CYP39A1: variants seen among roughly 807,000 people sequenced by gnomAD.
CYP39A1 encodes the protein cytochrome P450 family 39 subfamily A member 1.
A neutral mutation model predicts 58.1 loss-of-function variants in CYP39A1; 49 were observed. The observed-to-expected ratio is 0.84, with a 90% confidence interval of 0.67 to 1.07. The LOEUF (loss-of-function observed/expected upper bound fraction) is 1.07. Ranked by LOEUF, CYP39A1 falls within the 50% of genes least tolerant of loss-of-function variation. The pLI is 0.00. For synonymous variants in CYP39A1, 209 were observed against 187.6 expected (o/e 1.11, Z -0.93); for missense variants, 531 against 539.4 (o/e 0.98, Z 0.16).
chr6:46,594,626 G>A (rs1025661034), intron 8 of CYP39A1, among the ~76,000 whole-genome samples: 1 of 151,972 alleles, frequency 6.6e-6, no homozygotes, highest in African/African-American at 2.4e-5. Flanking sequence ...AATGAAATTA[G>A]ACCTGTATTT....
At chr6:46,572,779 G>A (rs1450264597) in intron 10 of CYP39A1, among the ~76,000 whole-genome samples, 1 of 152,006 alleles carries the variant, frequency 6.6e-6, no homozygotes, top group Non-Finnish European at 1.5e-5. Flanking sequence ...TCCTCCTTCT[G>A]AGACTTTTAT....
chr6:46,619,244 C>T (rs1199157345), intron 7 of CYP39A1, among the ~76,000 whole-genome samples: 3 of 152,060 alleles, frequency 2.0e-5, no homozygotes, highest in Admixed American at 2.0e-4. Context: ...GATAGAGCTG[C>T]AAACAGAGGC....
intron 10 of CYP39A1, chr6:46,583,723 G>A (rs955345435): frequency 3.2e-5 from 11 of 347,972 alleles, no homozygotes; most frequent in Admixed American, 1.3e-4. Flanking sequence ...CCACGAATAC[G>A]AAGAGGAACC....
At chr6:46,633,903 C>T (rs1350971517) in intron 5 of CYP39A1, among the ~76,000 whole-genome samples, 1 of 152,090 alleles carries the variant, frequency 6.6e-6, no homozygotes, top group African/African-American at 2.4e-5. Context: ...CACAAACACA[C>T]AAGCTCAGTG....
chr6:46,599,043 AATTTAGAG>A (rs1172052676), intron 7 of CYP39A1, among the ~76,000 whole-genome samples: 5 of 152,124 alleles, frequency 3.3e-5, no homozygotes, highest in African/African-American at 9.7e-5. Context: ...ATTGGGAGAA[AATTTAGAG>A]ATTGGCGTGT....
chr6:46,623,737 G>A (rs1775120920), intron 7 of CYP39A1, among the ~76,000 whole-genome samples: 1 of 151,940 alleles, frequency 6.6e-6, no homozygotes, highest in African/African-American at 2.4e-5. Flanking sequence ...AGAATCCTTT[G>A]TATGGACACA....
chr6:46,651,913 C>A (rs1028375625), intron 1 of CYP39A1, among the ~76,000 whole-genome samples: 2 of 152,178 alleles, frequency 1.3e-5, no homozygotes, highest in African/African-American at 4.8e-5. Flanking sequence ...TCTCTTCAGG[C>A]CGTAGTGAAA....
At chr6:46,641,980 C>G (rs752235967) in intron 2 of CYP39A1, among the ~76,000 whole-genome samples, 183 bp downstream of exon 2, 3 of 152,184 alleles carry the variant, frequency 2.0e-5, no homozygotes, top group Non-Finnish European at 4.4e-5. Context: ...GGCTGCCATT[C>G]ATTTGCATTT....
chr6:46,624,954 T>C (rs1239564355), intron 7 of CYP39A1, among the ~76,000 whole-genome samples: 1 of 152,196 alleles, frequency 6.6e-6, no homozygotes, highest in African/African-American at 2.4e-5. Flanking sequence ...TACTTGTTTT[T>C]TGTTTGTTGT....
At chr6:46,556,462 C>T (rs1193539705) in intron 10 of CYP39A1, among the ~76,000 whole-genome samples, 1 of 152,120 alleles carries the variant, frequency 6.6e-6, no homozygotes, top group Non-Finnish European at 1.5e-5. Flanking sequence ...TGGCAGAGTA[C>T]TGATCTCTGC....
chr6:46,638,430 T>C (rs888504229), intron 3 of CYP39A1, among the ~76,000 whole-genome samples: 2 of 152,152 alleles, frequency 1.3e-5, no homozygotes, highest in African/African-American at 4.8e-5. Flanking sequence ...ATTCAAACTA[T>C]TGCCCATTGA....
chr6:46,572,968 AT>A (rs1771672440), intron 10 of CYP39A1, among the ~76,000 whole-genome samples: 2 of 151,212 alleles, frequency 1.3e-5, no homozygotes, highest in African/African-American at 4.9e-5. Context: ...TTTTCAGTTG[AT>A]TCACTGTATT....
intron 1 of CYP39A1, among the ~76,000 whole-genome samples, chr6:46,650,014 G>T (rs991900661): frequency 6.6e-6 from 1 of 151,720 alleles, no homozygotes; most frequent in Non-Finnish European, 1.5e-5. Flanking sequence ...ATGCAATTTC[G>T]CATCAAGTCT....
At chr6:46,582,451 G>A (rs1207151005) in intron 10 of CYP39A1, among the ~76,000 whole-genome samples, 1 of 152,044 alleles carries the variant, frequency 6.6e-6, no homozygotes, top group Non-Finnish European at 1.5e-5. Context: ...TCATCGCCTT[G>A]CTATCACTAA....
chr6:46,632,938 CA>C (rs1775749765), intron 5 of CYP39A1, among the ~76,000 whole-genome samples: 1 of 151,974 alleles, frequency 6.6e-6, no homozygotes, highest in South Asian at 2.1e-4. Flanking sequence ...AAAAACTATT[CA>C]ATCACTAGCC....
chr6:46,564,938 G>A (rs534847160), intron 10 of CYP39A1, among the ~76,000 whole-genome samples: 41 of 152,296 alleles, frequency 2.7e-4, no homozygotes, highest in African/African-American at 9.1e-4. Context: ...GCGGAAGTAT[G>A]GCAACCTCAT....
At position 46,553,793 on chromosome 6, in the gene CYP39A1, T is replaced by C; in HGVS notation, c.1312A>G (p.Ser438Gly). 1 of 1,611,132 alleles carries C rather than the reference T, an allele frequency of 6.2e-7. No homozygotes were observed. The highest frequency in any genetic ancestry group is 8.5e-7 in the Non-Finnish European group (1 of 1,178,034). Residue 438 changes from serine to glycine, a missense_variant, in exon 11 of 12, where the codon AGT becomes GGT. Physicochemically the swap from Ser to Gly is moderately conservative, Grantham distance 56 (BLOSUM62 0). Transcript: ENST00000275016. ...TGTTTGGGTAATGGGTCCAGAAGAC[T>C]ACAGTCATATTTATAAAGTATTAAA... ...IILILYKYDC[S>G]LLDPLPKQSY...
At chr6:46,564,367 T>C (rs806493) in intron 10 of CYP39A1, among the ~76,000 whole-genome samples, 27,972 of 151,410 alleles carry the variant, frequency 0.18, 5,158 homozygotes, top group African/African-American at 0.47. Context: ...GTAATTTTTT[T>C]GTATTTTTAG....
At chr6:46,575,124 C>A (rs1771784932) in intron 10 of CYP39A1, among the ~76,000 whole-genome samples, 1 of 152,084 alleles carries the variant, frequency 6.6e-6, no homozygotes, top group Non-Finnish European at 1.5e-5. Flanking sequence ...CCAGGGGCTT[C>A]TGAGATCCTA....
Sources: allele counts gnomAD v4.1 joint callset (sites outside exome capture counted in the v4.1 genomes callset), GRCh38; gene constraint gnomAD v4.1.1; transcripts MANE v1.5; gene names NCBI Gene and HGNC (gene_info 2026-07-23, HGNC 2026-07-21).